ST3GAL3: variants seen among roughly 807,000 people sequenced by gnomAD.
The protein encoded by ST3GAL3 is ST3 beta-galactoside alpha-2,3-sialyltransferase 3.
Under a neutral mutation model 50.1 loss-of-function variants are expected in ST3GAL3, and 21 were observed. The ratio of observed to expected loss-of-function variants is 0.42; its 90% confidence interval spans 0.30 to 0.60. The LOEUF is 0.60. Among genes scored for constraint, ST3GAL3 ranks in the 20% least tolerant of loss-of-function variants. The probability of loss-of-function intolerance (pLI) is 0.19; values close to 1 mark genes in which losing one functional copy is unlikely to be tolerated. For synonymous variants in ST3GAL3, 183 were observed against 190.0 expected, an observed-to-expected ratio of 0.96 and a Z score of 0.30; for missense variants, 353 against 489.4, an observed-to-expected ratio of 0.72 and a Z score of 2.63.
At chr1:43,925,844 T>C (rs12569354) in intron 11 of ST3GAL3, among the ~76,000 whole-genome samples, 5,668 of 152,150 alleles carry the variant, frequency 0.037, 139 homozygotes, top group East Asian at 0.13. Context: ...GCATCTACAA[T>C]GTGGTGCTGG....
At chr1:43,911,925 AG>A (rs2081013654) in intron 9 of ST3GAL3, 1 of 152,172 alleles carries the variant, frequency 6.6e-6, no homozygotes, top group Non-Finnish European at 1.5e-5. Flanking sequence ...CGTCAGTTCA[AG>A]TGATCTGCCC....
At chr1:43,709,143 A>C (rs1663217963) in intron 1 of ST3GAL3, among the ~76,000 whole-genome samples, 1 of 152,200 alleles carries the variant, frequency 6.6e-6, no homozygotes, top group Admixed American at 6.5e-5. Flanking sequence ...AGAAGTGAGC[A>C]GATGAGAAAG....
At chr1:43,722,459 G>C (rs140528667) in intron 1 of ST3GAL3, among the ~76,000 whole-genome samples, 1 of 152,324 alleles carries the variant, frequency 6.6e-6, no homozygotes, top group Admixed American at 6.5e-5. Context: ...AATGGGAAAT[G>C]TATGAAGTTT....
chr1:43,821,181 A>T (rs1288586118), intron 4 of ST3GAL3, among the ~76,000 whole-genome samples: 1 of 152,158 alleles, frequency 6.6e-6, no homozygotes, highest in Non-Finnish European at 1.5e-5. Context: ...AATGGGGAGG[A>T]AGCGAATGAG....
chr1:43,789,867 C>G (rs988940686), intron 2 of ST3GAL3, among the ~76,000 whole-genome samples: 5 of 114,752 alleles, frequency 4.4e-5, no homozygotes, highest in Middle Eastern at 3.8e-3. Flanking sequence ...GGGCAAGACT[C>G]TGGCTCTATT....
intron 3 of ST3GAL3, among the ~76,000 whole-genome samples, chr1:43,813,889 A>ACG (rs1558417035): frequency 6.1e-5 from 2 of 32,594 alleles, no homozygotes; most frequent in Admixed American, 4.5e-4. Flanking sequence ...ACACACACAC[A>ACG]CACACGCACA....
chr1:43,875,212 G>A (rs1261304439), intron 5 of ST3GAL3, among the ~76,000 whole-genome samples: 3 of 152,206 alleles, frequency 2.0e-5, no homozygotes, highest in African/African-American at 7.2e-5. Flanking sequence ...ATGGCTTGAT[G>A]ATTTCAGTGT....
chr1:43,899,520 G>T lies in ST3GAL3; in HGVS notation c.558-21G>T. ...CTTCCCAAACACAGGCCCAGGCTCT[G>T]AGTGGGCCTGCTCTCTGTAGACTGA... On this transcript the variant is annotated intron_variant, in intron 8 of 11. Coordinates refer to ENST00000347631, the MANE Select transcript of ST3GAL3 (RefSeq NM_006279.5). This position sits in a 1 kb window ranked among gnomAD's most constrained non-coding sequence, Gnocchi z 5.4. 1 of 1,610,700 alleles carries T rather than the reference G, an allele frequency of 6.2e-7. No individual in the cohort carries two copies. Among genetic ancestry groups the T allele is most frequent in the Non-Finnish European group, 8.5e-7 (1 of 1,180,004 alleles).
intron 11 of ST3GAL3, chr1:43,929,890 G>A: frequency 1.7e-6 from 1 of 591,992 alleles, no homozygotes; most frequent in South Asian, 1.6e-5. Context: ...GGTTTTCCTG[G>A]GACGAGGAAA....
intron 2 of ST3GAL3, among the ~76,000 whole-genome samples, chr1:43,771,547 C>G (rs558481320): frequency 6.6e-6 from 1 of 152,072 alleles, no homozygotes; most frequent in East Asian, 1.9e-4. Context: ...TTAGTAGAGA[C>G]GGGATTTCAA....
At chr1:43,765,794 C>CGCGCCCGCGT (rs1692579242) in intron 2 of ST3GAL3, among the ~76,000 whole-genome samples, 2 of 146,410 alleles carry the variant, frequency 1.4e-5, no homozygotes, top group African/African-American at 5.5e-5. Context: ...TGCGCGCGCG[C>CGCGCCCGCGT]GCGCGCGTCC....
In ST3GAL3 at chr1:43,899,334, C is replaced by T; in HGVS notation, c.557+71C>T. 1.2e-6 allele frequency: 2 copies of T among 1,612,894 alleles called. No homozygotes were observed. Among genetic ancestry groups the T allele is most frequent in the Non-Finnish European group, 8.5e-7 (1 of 1,179,438 alleles). On this transcript the variant is annotated intron_variant, in intron 8 of 11. Transcript: ENST00000347631. This position sits in a 1 kb window ranked among gnomAD's most constrained non-coding sequence, Gnocchi z 5.4. ...CCCTTAGTCCTGAGCCCATTGAGAA[C>T]TGTCTGTCTGGCTAGTTGGGCTGGA...
intron 2 of ST3GAL3, among the ~76,000 whole-genome samples, chr1:43,755,690 A>G (rs1239417728): frequency 4.6e-5 from 7 of 152,254 alleles, no homozygotes; most frequent in Admixed American, 1.3e-4. Flanking sequence ...CTTAGAAAAC[A>G]TAGTTGGAAT....
rs980229270 is a variant in ST3GAL3, at chr1:43,767,808, G to T, written c.119-24294G>T. Among the ~76,000 whole-genome samples the T allele has an allele frequency of 2.3e-4, 31 of 135,164 alleles. 1 individual carries two copies. The highest frequency in any genetic ancestry group is 7.8e-4 in the African/African-American group (28 of 35,746). The allele number at this position is 135,164 out of a possible 152,430, so 88.7% of individuals were successfully genotyped here. A position where few individuals can be genotyped will look rare whatever the true frequency, so the allele number is the denominator to read the frequency against. ...CTGCACGTTCTGCACATGTATCCCA[G>T]AACTTAAAGTATAATTAAAAAAAAA... On this transcript the variant is annotated intron_variant, in intron 2 of 11. Coordinates refer to ENST00000347631, the MANE Select transcript of ST3GAL3 (RefSeq NM_006279.5).
At chr1:43,716,334 C>T (rs142512412) in intron 1 of ST3GAL3, 6 of 152,266 alleles carry the variant, frequency 3.9e-5, no homozygotes, top group Non-Finnish European at 5.9e-5. Flanking sequence ...TGTAACTGCT[C>T]TTTAAGTTCT....
In ST3GAL3 at chr1:43,899,424, C is replaced by G; in HGVS notation, c.558-117C>G. On this transcript the variant is annotated intron_variant, in intron 8 of 11. Coordinates refer to ENST00000347631, the MANE Select transcript of ST3GAL3 (RefSeq NM_006279.5). The surrounding 1 kb of genome is among the most constrained non-coding windows in gnomAD (Gnocchi z 5.4). ...TGGAACAGACAACTAGCGGGGGCAC[C>G]TGGGGAGAATAGGTCCAGGTGACCT... The G allele has an allele frequency of 1.3e-6, 2 of 1,575,124 alleles. No individual in the cohort carries two copies. The highest frequency in any genetic ancestry group is 8.6e-7 in the Non-Finnish European group (1 of 1,159,226).
rs567950987 is a variant in ST3GAL3 at position 43,851,796 on chromosome 1, G to A, written c.302+13485G>A. Among the ~76,000 whole-genome samples, 3 of 152,136 alleles carry A rather than the reference G, an allele frequency of 2.0e-5. No homozygotes were observed. In the East Asian group the frequency reaches 5.8e-4, roughly 29 times the overall value. On this transcript the variant is annotated intron_variant, in intron 5 of 11. Transcript: ENST00000347631. The stretch of plus-strand genomic sequence containing the variant: ...ATGTGCCTAGCCTCAGTCCCACGCC[G>A]CCACCAGTGCCACCAGAGTCCCAGA...
Position 43,899,410 on chromosome 1 carries a change from A to G in ST3GAL3, c.558-131A>G. On this transcript the variant is annotated intron_variant, in intron 8 of 11. Transcript: ENST00000347631. The surrounding 1 kb of genome is among the most constrained non-coding windows in gnomAD (Gnocchi z 5.4). ...GGGTTGGAGGGCTTTGGAACAGACA[A>G]CTAGCGGGGGCACCTGGGGAGAATA... 6.3e-7 allele frequency: 1 copy of G among 1,576,658 alleles called. No homozygotes were observed. Among genetic ancestry groups the G allele is most frequent in the Admixed American group, 1.8e-5 (1 of 55,300 alleles).
chr1:43,884,251 T>A (rs2075616842), intron 5 of ST3GAL3, among the ~76,000 whole-genome samples: 1 of 152,132 alleles, frequency 6.6e-6, no homozygotes, highest in South Asian at 2.1e-4. Flanking sequence ...TGGCACCTGA[T>A]GTTTGTCTCT....
Sources: allele counts gnomAD v4.1 joint callset (sites outside exome capture counted in the v4.1 genomes callset), GRCh38; gene constraint gnomAD v4.1.1; non-coding constraint Gnocchi (gnomAD v3.1); transcripts MANE v1.5; gene names NCBI Gene and HGNC (gene_info 2026-07-23, HGNC 2026-07-21).